The following LAYN variants were observed in gnomAD, a reference collection of about 807,000 sequenced individuals.
The protein encoded by LAYN is layilin.
A neutral mutation model predicts 43.6 loss-of-function variants in LAYN; 38 were observed. The observed-to-expected ratio is 0.87, with a 90% CI of 0.67 to 1.14. LAYN has a LOEUF of 1.14. Ranked by LOEUF, LAYN falls within the 50% of genes most tolerant of loss-of-function variation. The probability of loss-of-function intolerance (pLI) is 0.00; values close to 1 mark genes in which losing one functional copy is unlikely to be tolerated. For synonymous variants in LAYN, 168 were observed against 172.9 expected (o/e 0.97, Z 0.22); for missense variants, 479 against 463.8 (o/e 1.03, Z -0.30).
chr11:111,555,988 C>T lies in LAYN; in HGVS notation c.658+698C>T, dbSNP rs1867832909. Among the ~76,000 whole-genome samples the T allele has an allele frequency of 3.3e-5, 5 of 152,314 alleles. No homozygotes were observed. In the South Asian group the frequency reaches 1.0e-3, roughly 32 times the overall value. On this transcript the variant is annotated intron_variant, in intron 5 of 6. Coordinates refer to ENST00000375614, the MANE Select transcript of LAYN (RefSeq NM_178834.5). ...TCCAGAGTTGGCACACACTCCAGCTCATGAGCACAACTCATACCAAGACTG... is the reference window on the plus strand; with the variant it reads ...TCCAGAGTTGGCACACACTCCAGCTTATGAGCACAACTCATACCAAGACTG...
chr11:111,554,592 A>AG lies in LAYN; in HGVS notation c.574+1dup. ...CAGCAGTTCCTTCTAGAGAAGCTGA[A>AG]GGTAAGCCTGTTACTTGAGATTTGG... is the stretch of plus-strand genomic sequence containing the variant. On this transcript the variant is annotated frameshift_variant and splice_region_variant, in exon 4 of 7. Coordinates refer to ENST00000375614, the MANE Select transcript of LAYN (RefSeq NM_178834.5). LOFTEE classifies it high-confidence loss of function. 2 of 1,613,154 alleles carry AG rather than the reference A, an allele frequency of 1.2e-6. No homozygotes were observed. The highest frequency in any genetic ancestry group is 1.7e-6 in the Non-Finnish European group (2 of 1,179,470).
intron 1 of LAYN, chr11:111,541,512 G>C: frequency 6.6e-7 from 1 of 1,526,100 alleles, no homozygotes; most frequent in Non-Finnish European, 8.8e-7. Flanking sequence ...AGCCCCACCT[G>C]ACTCCGGGGA....
Position 111,551,023 on chromosome 11 carries a change from G to A in LAYN, c.541+1248G>A, listed in dbSNP as rs144822797. Among the ~76,000 whole-genome samples the A allele has an allele frequency of 6.0e-3, 913 of 152,266 alleles. 9 individuals carry two copies. The highest frequency in any genetic ancestry group is 0.021 in the African/African-American group (869 of 41,534). ...ATGGCACACACAAAGGGTTTAATGA[G>A]GAAAGTGTAATAAAAGGGACATTTG... On this transcript the variant is annotated intron_variant, in intron 3 of 6. Coordinates refer to ENST00000375614, the MANE Select transcript of LAYN (RefSeq NM_178834.5).
intron 1 of LAYN, among the ~76,000 whole-genome samples, chr11:111,542,197 A>G (rs1867558357): frequency 6.6e-6 from 1 of 152,114 alleles, no homozygotes; most frequent in Non-Finnish European, 1.5e-5. Context: ...GGAATCGCAA[A>G]AGCGTGGCTG....
At chr11:111,550,369 C>T (rs992110527) in intron 3 of LAYN, among the ~76,000 whole-genome samples, 1 of 152,196 alleles carries the variant, frequency 6.6e-6, no homozygotes, top group African/African-American at 2.4e-5. Flanking sequence ...TGGCTACAAG[C>T]TTGTAGTTTT....
chr11:111,548,496 G>A (rs1352562711), intron 2 of LAYN, among the ~76,000 whole-genome samples: 1 of 152,234 alleles, frequency 6.6e-6, no homozygotes, highest in African/African-American at 2.4e-5. Flanking sequence ...AATCTGGACT[G>A]GAGATAACTA....
intron 5 of LAYN, among the ~76,000 whole-genome samples, chr11:111,557,007 C>G (rs538881093): frequency 2.0e-5 from 3 of 152,122 alleles, no homozygotes; most frequent in Non-Finnish European, 2.9e-5. Context: ...TTCCTGTGAC[C>G]TCTTTCCTGG....
chr11:111,550,872 G>C (rs377703604), intron 3 of LAYN, among the ~76,000 whole-genome samples: 227 of 152,296 alleles, frequency 1.5e-3, no homozygotes, highest in Non-Finnish European at 2.4e-3. Context: ...TTTTTGAAAT[G>C]TGAGGTTTTG....
At chr11:111,543,409 C>T (rs1002329591) in intron 1 of LAYN, among the ~76,000 whole-genome samples, 6 of 152,194 alleles carry the variant, frequency 3.9e-5, no homozygotes, top group African/African-American at 1.4e-4. Context: ...CCCCGTGGAT[C>T]TGATGCTTTT....
chr11:111,540,473 C>A (rs1201033338), upstream of LAYN: 4 of 321,840 alleles, frequency 1.2e-5, no homozygotes, highest in Non-Finnish European at 2.3e-5. Context: ...GCCTAGGGGC[C>A]CGACTGAAGT....
chr11:111,542,954 G>A (rs554834895), intron 1 of LAYN, among the ~76,000 whole-genome samples: 1 of 152,324 alleles, frequency 6.6e-6, no homozygotes, highest in Admixed American at 6.5e-5. Flanking sequence ...AGAGCAGTGT[G>A]TACTGTGAGC....
intron 3 of LAYN, among the ~76,000 whole-genome samples, chr11:111,552,679 C>A (rs867805236): frequency 1.3e-5 from 2 of 152,052 alleles, no homozygotes; most frequent in Non-Finnish European, 2.9e-5. Context: ...AACTTTGCAC[C>A]GTGGATTGAA....
chr11:111,554,708 T>C lies in LAYN; in HGVS notation c.574+115T>C, dbSNP rs1867804171. The C allele has an allele frequency of 4.5e-6, 4 of 886,572 alleles. No homozygotes were observed. The South Asian group carries it at 5.8e-5, about 13-fold the overall frequency. 54.9% of individuals were successfully genotyped at this position (886,572 alleles called of 1,614,324 possible). On this transcript the variant is annotated intron_variant, in intron 4 of 6. Coordinates refer to ENST00000375614, the MANE Select transcript of LAYN (RefSeq NM_178834.5). Reference sequence around the variant, plus strand: ...TATTCAACAGAAAAACTAGTGGTATTAACTCAGGCATTTGGGACAGGTATA... The same window carrying C: ...TATTCAACAGAAAAACTAGTGGTATCAACTCAGGCATTTGGGACAGGTATA...
intron 4 of LAYN, 121 bp from the exon 5 acceptor site, chr11:111,555,086 T>C (rs527377756): frequency 2.9e-6 from 2 of 695,406 alleles, no homozygotes; most frequent in Non-Finnish European, 5.1e-6. Flanking sequence ...TCTACGTTTA[T>C]AGATGGTGCT....
intron 5 of LAYN, 120 bp downstream of exon 5, chr11:111,555,410 G>C (rs1328187748): frequency 3.0e-6 from 2 of 675,418 alleles, no homozygotes; most frequent in African/African-American, 1.8e-5. Flanking sequence ...AACTAGACAG[G>C]GCATGTGTGG....
chr11:111,544,277 A>G, intron 2 of LAYN, 57 bp downstream of exon 2: 1 of 1,533,316 alleles, frequency 6.5e-7, no homozygotes, highest in South Asian at 1.3e-5. Context: ...AAAAAGAGGC[A>G]GGCTGGATCC....
At chr11:111,556,257 T>TC (rs1186836047) in intron 5 of LAYN, among the ~76,000 whole-genome samples, 1 of 152,066 alleles carries the variant, frequency 6.6e-6, no homozygotes, top group Non-Finnish European at 1.5e-5. Context: ...TTCCTTGTCA[T>TC]CCCCCACCCC....
intron 3 of LAYN, among the ~76,000 whole-genome samples, chr11:111,553,253 A>T (rs987393886): frequency 6.6e-6 from 1 of 152,012 alleles, no homozygotes; most frequent in African/African-American, 2.4e-5. Context: ...AAAAATAAAT[A>T]AATAAATAAA....
intron 1 of LAYN, chr11:111,541,653 T>C (rs1393111565): frequency 1.4e-6 from 2 of 1,434,186 alleles, no homozygotes; most frequent in Non-Finnish European, 1.9e-6. Context: ...TCCGTGCCCT[T>C]TTCTCAGATC....
Sources: allele counts gnomAD v4.1 joint callset (sites outside exome capture counted in the v4.1 genomes callset), GRCh38; gene constraint gnomAD v4.1.1; transcripts MANE v1.5; gene names NCBI Gene and HGNC (gene_info 2026-07-23, HGNC 2026-07-21).